Variants in GREM2 observed in about 807,000 individuals in gnomAD.
GREM2 encodes the protein gremlin-2.
Under a neutral mutation model 14.2 loss-of-function variants are expected in GREM2, and 11 were observed. The observed-to-expected ratio is 0.78, with a 90% confidence interval of 0.49 to 1.28. The LOEUF is 1.28. GREM2 is among the 50% of genes most tolerant of loss of function. GREM2 has a pLI of 0.00. For synonymous variants in GREM2, 98 were observed against 97.6 expected (o/e 1.00, Z -0.02); for missense variants, 210 against 218.5 (o/e 0.96, Z 0.24).
At chr1:240,553,175 G>A (rs1487250940) in intron 1 of GREM2, among the ~76,000 whole-genome samples, 1 of 152,160 alleles carries the variant, frequency 6.6e-6, no homozygotes, top group African/African-American at 2.4e-5. Context: ...TCAGACATCG[G>A]GTGAAGCTAT....
chr1:240,600,213 T>G (rs976812367), intron 1 of GREM2, among the ~76,000 whole-genome samples: 5 of 92,004 alleles, frequency 5.4e-5, no homozygotes, highest in Non-Finnish European at 8.6e-5. Context: ...CGCTTCCTTA[T>G]GTGTAAAACG....
intron 1 of GREM2, among the ~76,000 whole-genome samples, chr1:240,577,539 G>A (rs932207824): frequency 6.6e-6 from 1 of 152,158 alleles, no homozygotes; most frequent in African/African-American, 2.4e-5. Context: ...GATTGATGAC[G>A]GGAGGTGGGC....
At chr1:240,502,328 C>T (rs1212338180) in intron 1 of GREM2, among the ~76,000 whole-genome samples, 2 of 152,186 alleles carry the variant, frequency 1.3e-5, no homozygotes, top group Admixed American at 6.5e-5. Flanking sequence ...CCTGATGAAA[C>T]TATCACTGTA....
intron 1 of GREM2, among the ~76,000 whole-genome samples, chr1:240,609,004 C>T (rs1469152235): frequency 1.3e-5 from 2 of 152,092 alleles, no homozygotes; most frequent in African/African-American, 4.8e-5. Flanking sequence ...GTGGGATATA[C>T]CTAAGAACAC....
At chr1:240,498,523 A>G (rs1309461855) in intron 1 of GREM2, among the ~76,000 whole-genome samples, 1 of 152,170 alleles carries the variant, frequency 6.6e-6, no homozygotes, top group Non-Finnish European at 1.5e-5. Flanking sequence ...AGCAACTGCT[A>G]ACGGCACCTA....
chr1:240,583,865 G>T (rs1272793665), intron 1 of GREM2, among the ~76,000 whole-genome samples: 1 of 152,010 alleles, frequency 6.6e-6, no homozygotes, highest in Non-Finnish European at 1.5e-5. Context: ...GCCTCCCAAA[G>T]TGCTGGGATT....
At chr1:240,496,178 CT>C (rs1334935593) in intron 1 of GREM2, among the ~76,000 whole-genome samples, 1 of 152,110 alleles carries the variant, frequency 6.6e-6, no homozygotes, top group Non-Finnish European at 1.5e-5. Flanking sequence ...CTCAAGTGAT[CT>C]GCCGGTCTCG....
At chr1:240,565,905 T>C (rs1679170303) in intron 1 of GREM2, among the ~76,000 whole-genome samples, 1 of 151,946 alleles carries the variant, frequency 6.6e-6, no homozygotes. Flanking sequence ...TATTGTATCT[T>C]CCATAAACTC....
At chr1:240,534,398 G>A (rs1411698319) in intron 1 of GREM2, among the ~76,000 whole-genome samples, 1 of 152,130 alleles carries the variant, frequency 6.6e-6, no homozygotes, top group Non-Finnish European at 1.5e-5. Context: ...GCAGTTAAGA[G>A]AGTGCAAAAG....
At chr1:240,547,316 C>T (rs180722953) in intron 1 of GREM2, among the ~76,000 whole-genome samples, 187 of 151,726 alleles carry the variant, frequency 1.2e-3, no homozygotes, top group African/African-American at 4.4e-3. Context: ...CTGGCTAACA[C>T]TGCGAAACCC....
intron 1 of GREM2, among the ~76,000 whole-genome samples, chr1:240,599,503 GAC>G (rs929217402): frequency 1.7e-4 from 26 of 152,262 alleles, no homozygotes; most frequent in African/African-American, 5.8e-4. Context: ...GCTCTGGATG[GAC>G]ACACTCATTT....
At chr1:240,577,758 G>A (rs572477731) in intron 1 of GREM2, among the ~76,000 whole-genome samples, 10 of 152,274 alleles carry the variant, frequency 6.6e-5, no homozygotes, top group African/African-American at 1.9e-4. Context: ...ATAACTTATG[G>A]TTACTTGTAT....
chr1:240,513,133 G>A (rs536759414), intron 1 of GREM2, among the ~76,000 whole-genome samples: 1 of 152,280 alleles, frequency 6.6e-6, no homozygotes, highest in South Asian at 2.1e-4. Flanking sequence ...TGTGGGGTAG[G>A]ACATAATTAG....
chr1:240,596,554 G>A (rs757471014), intron 1 of GREM2, among the ~76,000 whole-genome samples: 9 of 151,966 alleles, frequency 5.9e-5, no homozygotes, highest in Admixed American at 3.3e-4. Context: ...AAAATTAGCC[G>A]GTCATAGTGA....
chr1:240,500,438 A>G (rs1175279048), intron 1 of GREM2, among the ~76,000 whole-genome samples: 1 of 151,826 alleles, frequency 6.6e-6, no homozygotes, highest in Non-Finnish European at 1.5e-5. Context: ...AACTGGGACT[A>G]CAGGCACCCA....
chr1:240,571,026 A>G (rs1452050003), intron 1 of GREM2, among the ~76,000 whole-genome samples: 1 of 152,210 alleles, frequency 6.6e-6, no homozygotes, highest in Non-Finnish European at 1.5e-5. Flanking sequence ...GGAACACTTT[A>G]AAATGATCTT....
At chr1:240,607,412 C>G (rs1030737304) in intron 1 of GREM2, among the ~76,000 whole-genome samples, 1 of 152,058 alleles carries the variant, frequency 6.6e-6, no homozygotes, top group Admixed American at 6.5e-5. Context: ...GAAAGTGATG[C>G]TTTTTGCCTG....
intron 1 of GREM2, among the ~76,000 whole-genome samples, chr1:240,557,313 C>T (rs542970346): frequency 1.4e-3 from 208 of 152,136 alleles, no homozygotes; most frequent in African/African-American, 4.7e-3. Context: ...AATGTTTAGG[C>T]GCTGAAGAAT....
At chr1:240,577,649 A>G (rs1423716056) in intron 1 of GREM2, among the ~76,000 whole-genome samples, 1 of 152,242 alleles carries the variant, frequency 6.6e-6, no homozygotes, top group East Asian at 1.9e-4. Context: ...GGAAATTATT[A>G]CAGTTTGGGA....
Sources: allele counts gnomAD v4.1 joint callset (sites outside exome capture counted in the v4.1 genomes callset), GRCh38; gene constraint gnomAD v4.1.1; transcripts MANE v1.5; gene names NCBI Gene and HGNC (gene_info 2026-07-23, HGNC 2026-07-21).